Variants in GPA33 observed in about 807,000 individuals in gnomAD.
GPA33 encodes cell surface A33 antigen.
Under a neutral mutation model 35.6 loss-of-function variants are expected in GPA33, and 27 were observed. The ratio of observed to expected loss-of-function variants is 0.76; its 90% CI spans 0.56 to 1.04. The LOEUF (loss-of-function observed/expected upper bound fraction) is 1.04, where lower values mean the gene tolerates loss of function less well. Among genes scored for constraint, GPA33 ranks in the 50% least tolerant of loss-of-function variants. The pLI is 0.00. For synonymous variants in GPA33, 176 were observed against 164.0 expected (o/e 1.07, Z -0.56); for missense variants, 428 against 411.9 (o/e 1.04, Z -0.34).
At chr1:167,089,094 C>G (rs942837971) in intron 1 of GPA33, among the ~76,000 whole-genome samples, 17 of 152,186 alleles carry the variant, frequency 1.1e-4, no homozygotes, top group African/African-American at 3.9e-4. Context: ...TGAACTTGAG[C>G]CAGCCTGAGA....
chr1:167,080,850 T>C (rs1032564811), intron 1 of GPA33, among the ~76,000 whole-genome samples: 10 of 152,260 alleles, frequency 6.6e-5, no homozygotes, highest in African/African-American at 2.4e-4. Context: ...CAATACGTGT[T>C]TTTTGACAGC....
In GPA33 at chr1:167,068,923, G is replaced by A. The variant is rs1487522750; in HGVS notation, c.414C>T (p.Leu138=). The change falls in exon 3 of 7, where the codon CTC becomes CTT. Residue 138 remains leucine (L), a splice_region_variant and synonymous_variant. Coordinates refer to ENST00000367868, the MANE Select transcript of GPA33 (RefSeq NM_005814.3). ...NTKSRVRLLV[L]VPPSKPECGI... is the part of the protein sequence containing the mutation. ...CCTGAAAGACATGAAGACACTCACC[G>A]AGGACCAACAGGCGGACACGTGACT... 10 of 1,610,676 alleles carry A rather than the reference G, an allele frequency of 6.2e-6. No homozygotes were observed. The highest frequency in any genetic ancestry group is 1.3e-5 in the African/African-American group (1 of 74,824).
chr1:167,064,246 A>T (rs1236637937), intron 3 of GPA33, among the ~76,000 whole-genome samples: 8 of 152,090 alleles, frequency 5.3e-5, no homozygotes, highest in African/African-American at 1.9e-4. Flanking sequence ...ATCGTGCCAT[A>T]GCACTCCAGC....
intron 1 of GPA33, among the ~76,000 whole-genome samples, chr1:167,079,386 G>A (rs919490678): frequency 4.0e-5 from 6 of 151,686 alleles, no homozygotes; most frequent in African/African-American, 1.5e-4. Context: ...CAAAAACTCA[G>A]GAGACTGAGG....
At chr1:167,055,202 G>GGA (rs1666215143) in intron 5 of GPA33, 91 bp from the exon 6 acceptor site, 1 of 1,284,576 alleles carries the variant, frequency 7.8e-7, no homozygotes, top group Non-Finnish European at 1.1e-6. Flanking sequence ...ACCAGCTTCT[G>GGA]GTAACACTCC....
chr1:167,066,644 C>A (rs1198016855), intron 3 of GPA33, among the ~76,000 whole-genome samples: 7 of 152,244 alleles, frequency 4.6e-5, no homozygotes, highest in African/African-American at 1.7e-4. Context: ...GCCCGTGAGA[C>A]CTCCGGGGGA....
rs759757858 is a variant in GPA33 at position 167,054,323 on chromosome 1, C to T, written c.*11G>A. ...CTAACCCTTCCTCCGCCGCCCTCTG[C>T]TGCTGGCCTGTCACTGGTCGAGGTG... On this transcript the variant is annotated 3_prime_UTR_variant, in exon 7 of 7. Transcript: ENST00000367868. 1 of 1,613,986 alleles carries T rather than the reference C, an allele frequency of 6.2e-7. No homozygotes were observed. Among genetic ancestry groups the T allele is most frequent in the Non-Finnish European group, 8.5e-7 (1 of 1,179,956 alleles).
chr1:167,061,044 A>C (rs1170748992), intron 4 of GPA33, among the ~76,000 whole-genome samples: 1 of 152,170 alleles, frequency 6.6e-6, no homozygotes, highest in Non-Finnish European at 1.5e-5. Context: ...TTTAATCTTC[A>C]CAACCCTATG....
At chr1:167,088,306 G>C (rs1667093303) in intron 1 of GPA33, among the ~76,000 whole-genome samples, 1 of 152,214 alleles carries the variant, frequency 6.6e-6, no homozygotes, top group Non-Finnish European at 1.5e-5. Flanking sequence ...CCGCCTGGTT[G>C]CTTTTGGTCG....
At chr1:167,073,356 T>C (rs1407214844) in intron 2 of GPA33, 29 bp downstream of exon 2, 2 of 1,597,956 alleles carry the variant, frequency 1.3e-6, no homozygotes, top group Non-Finnish European at 1.7e-6. Context: ...ATCATTCCCA[T>C]GTTGCCTGAA....
rs797013965 is a variant in GPA33 at position 167,064,490 on chromosome 1, T to C, written c.416-753A>G. 8.5e-5 allele frequency among the ~76,000 whole-genome samples: 13 copies of C among 152,222 alleles called. 1 individual carries two copies. The highest frequency in any genetic ancestry group is 3.1e-4 in the African/African-American group (13 of 41,546). On this transcript the variant is annotated intron_variant, in intron 3 of 6. Transcript: ENST00000367868. Reference sequence around the variant, plus strand: ...ATTCATTTGTGCCATTTTGGGAAAATCCTCACTTCCCCTCGACCTCAGTGT... The same window carrying C: ...ATTCATTTGTGCCATTTTGGGAAAACCCTCACTTCCCCTCGACCTCAGTGT...
chr1:167,055,048 A>G lies in GPA33; in HGVS notation c.755T>C (p.Ile252Thr), dbSNP rs1340557264. The G allele has an allele frequency of 1.2e-6, 2 of 1,613,960 alleles. No homozygotes were observed. The highest frequency in any genetic ancestry group is 1.7e-6 in the Non-Finnish European group (2 of 1,180,012). The change falls in exon 6 of 7, where the codon ATT (isoleucine) becomes ACT (threonine). Residue 252 changes from isoleucine (I) to threonine (T), a missense_variant. Ile to Thr is a moderately conservative substitution (Grantham distance 89). Coordinates refer to ENST00000367868, the MANE Select transcript of GPA33 (RefSeq NM_005814.3). ...AVGVVAALII[I>T]GIIIYCCCCR... The stretch of plus-strand genomic sequence containing the variant: ...GCAGCAGCAGTAGATGATGATGCCA[A>G]TGATAATGAGGGCTGCAACCACGCC...
intron 1 of GPA33, among the ~76,000 whole-genome samples, chr1:167,084,419 C>T (rs1007190372): frequency 6.6e-6 from 1 of 152,128 alleles, no homozygotes; most frequent in Admixed American, 6.5e-5. Flanking sequence ...GGTGATGTGG[C>T]GGTTTTAAAA....
At chr1:167,069,528 AG>A (rs917322582) in intron 2 of GPA33, among the ~76,000 whole-genome samples, 1 of 152,170 alleles carries the variant, frequency 6.6e-6, no homozygotes, top group Non-Finnish European at 1.5e-5. Context: ...TCCATGTACC[AG>A]GCATGATGCT....
At chr1:167,075,425 T>C (rs1404255546) in intron 1 of GPA33, among the ~76,000 whole-genome samples, 2 of 152,150 alleles carry the variant, frequency 1.3e-5, no homozygotes, top group Admixed American at 1.3e-4. Context: ...CAGGCTACAT[T>C]TGGCGTGTTA....
At chr1:167,061,002 G>C (rs1666427287) in intron 4 of GPA33, among the ~76,000 whole-genome samples, 1 of 152,162 alleles carries the variant, frequency 6.6e-6, no homozygotes, top group Non-Finnish European at 1.5e-5. Context: ...TGCCTACCAG[G>C]CACTAGTCTC....
intron 2 of GPA33, among the ~76,000 whole-genome samples, chr1:167,069,904 T>C (rs930999958): frequency 2.0e-5 from 3 of 152,244 alleles, no homozygotes; most frequent in African/African-American, 7.2e-5. Flanking sequence ...GAGCATCTAC[T>C]AGGTGTCTGA....
chr1:167,056,721 G>T (rs1666289394), intron 4 of GPA33, among the ~76,000 whole-genome samples: 1 of 102,726 alleles, frequency 9.7e-6, no homozygotes. Context: ...TGTGTGTGTA[G>T]TGTGTGATGT....
intron 2 of GPA33, 110 bp from the exon 3 acceptor site, chr1:167,069,248 A>AGGT (rs1666668435): frequency 3.0e-6 from 2 of 657,392 alleles, no homozygotes; most frequent in Non-Finnish European, 5.4e-6. Flanking sequence ...AGAAGCACAG[A>AGGT]CCTGCCAACC....
Sources: gnomAD v4.1 joint callset for allele counts (sites outside exome capture counted in the v4.1 genomes callset) on GRCh38, gnomAD v4.1.1 for gene constraint, MANE v1.5 for transcripts, NCBI Gene and HGNC (gene_info 2026-07-23, HGNC 2026-07-21) for gene names.